Variants in FLI1 observed in about 807,000 individuals in gnomAD.
The protein encoded by FLI1 is Fli-1 proto-oncogene, ETS transcription factor.
In FLI1, 13 loss-of-function variants were observed where a neutral mutation model predicts 53.1. The ratio of observed to expected loss-of-function variants is 0.24; its 90% confidence interval spans 0.16 to 0.39. FLI1 has a LOEUF of 0.39. FLI1 is among the 10% of genes least tolerant of loss of function. The pLI, the probability that FLI1 is intolerant of heterozygous loss-of-function variation, is 1.00. For synonymous variants in FLI1, 244 were observed against 236.7 expected (o/e 1.03, Z -0.28); for missense variants, 424 against 600.5 (o/e 0.71, Z 3.07).
intron 1 of FLI1, among the ~76,000 whole-genome samples, chr11:128,757,058 TTCTTTC>T (rs1940905027): frequency 7.4e-6 from 1 of 134,478 alleles, no homozygotes; most frequent in Non-Finnish European, 1.5e-5. Flanking sequence ...CTTTCTTTCT[TTCTTTC>T]TTTCTTTCTT....
chr11:128,700,324 C>T (rs535750648), intron 1 of FLI1, among the ~76,000 whole-genome samples: 1 of 152,284 alleles, frequency 6.6e-6, no homozygotes, highest in East Asian at 1.9e-4. Context: ...TAACAGGGGA[C>T]AGATCTGGGT....
In FLI1 at chr11:128,810,325, A is replaced by G; in HGVS notation, c.830-134A>G. The G allele has an allele frequency of 1.2e-6, 1 of 853,946 alleles. No homozygotes were observed. The highest frequency in any genetic ancestry group is 1.8e-6 in the Non-Finnish European group (1 of 563,596). 52.9% of individuals were successfully genotyped at this position (853,946 alleles called of 1,614,324 possible). ...AACAATGACATAAGAAGGGCTTGTC[A>G]AGTCGATCCCAATGTCGAAGGAAAC... On this transcript the variant is annotated intron_variant, in intron 8 of 8. Transcript: ENST00000527786. This position sits in a 1 kb window ranked among gnomAD's most constrained non-coding sequence, Gnocchi z 6.6.
At chr11:128,777,222 A>G (rs542897287) in intron 4 of FLI1, among the ~76,000 whole-genome samples, 2 of 151,848 alleles carry the variant, frequency 1.3e-5, no homozygotes, top group South Asian at 4.2e-4. Context: ...CGCTGGGGGG[A>G]GTTTGCGCAA....
intron 1 of FLI1, among the ~76,000 whole-genome samples, chr11:128,701,240 A>C (rs890919018): frequency 1.3e-5 from 2 of 152,190 alleles, no homozygotes; most frequent in African/African-American, 4.8e-5. Context: ...CACCATGAGC[A>C]ATCTTTTCAA....
rs191374135 is a variant in FLI1, at chr11:128,742,024, G to A, written c.19-16091G>A. On this transcript the variant is annotated intron_variant, in intron 1 of 8. Transcript: ENST00000527786. ...TCATCTAAGCTTCAAACATAGCATCGTTCCTACCATATTTAATTCAGACTC... is the reference window on the plus strand; with the variant it reads ...TCATCTAAGCTTCAAACATAGCATCATTCCTACCATATTTAATTCAGACTC... Among the ~76,000 whole-genome samples the A allele has an allele frequency of 1.4e-4, 22 of 152,194 alleles. No homozygotes were observed. The East Asian group carries it at 2.7e-3, about 19-fold the overall frequency.
At chr11:128,739,828 CA>C (rs1940060495) in intron 1 of FLI1, among the ~76,000 whole-genome samples, 1 of 152,152 alleles carries the variant, frequency 6.6e-6, no homozygotes, top group Non-Finnish European at 1.5e-5. Flanking sequence ...TGTGCACCAG[CA>C]AAGGAGTGTG....
chr11:128,807,354 T>A lies in FLI1; in HGVS notation c.781+115T>A, dbSNP rs1241298276. 4.9e-6 allele frequency: 3 copies of A among 617,022 alleles called. No homozygotes were observed. In the African/African-American group the frequency reaches 5.7e-5, roughly 12 times the overall value. The allele number at this position is 617,022 out of a possible 1,614,324, so 38.2% of individuals were successfully genotyped here. A position where few individuals can be genotyped will look rare whatever the true frequency, so the allele number is the denominator to read the frequency against. On this transcript the variant is annotated intron_variant, in intron 7 of 8. Transcript: ENST00000527786. Reference sequence around the variant, plus strand: ...CCACATATGTTTTCTCTTATTTCTCTCAAAGAGGGTCTATCTTTGACCCTA... The same window carrying A: ...CCACATATGTTTTCTCTTATTTCTCACAAAGAGGGTCTATCTTTGACCCTA...
intron 1 of FLI1, among the ~76,000 whole-genome samples, chr11:128,699,097 A>T (rs957059995): frequency 1.3e-5 from 2 of 152,230 alleles, no homozygotes; most frequent in Admixed American, 6.5e-5. Flanking sequence ...GACTATTTAA[A>T]TAAAATCTAT....
At chr11:128,808,459 G>A (rs1040358324) in intron 7 of FLI1, among the ~76,000 whole-genome samples, 1 of 152,074 alleles carries the variant, frequency 6.6e-6, no homozygotes, top group African/African-American at 2.4e-5. Flanking sequence ...AAACACATAC[G>A]TTTTGAGGAA....
At chr11:128,786,131 C>T (rs946064940) in intron 5 of FLI1, among the ~76,000 whole-genome samples, 3 of 152,144 alleles carry the variant, frequency 2.0e-5, no homozygotes, top group Non-Finnish European at 2.9e-5. Context: ...TGTTTTAGAG[C>T]TCTCCGGGTT....
upstream of FLI1, among the ~76,000 whole-genome samples, chr11:128,691,439 GTCT>G (rs1276666399): frequency 2.0e-5 from 3 of 152,168 alleles, no homozygotes; most frequent in Non-Finnish European, 4.4e-5. Flanking sequence ...GTTAGGTGGG[GTCT>G]TCTTTCTGGG....
chr11:128,733,101 A>C (rs1488873669), intron 1 of FLI1, among the ~76,000 whole-genome samples: 1 of 152,216 alleles, frequency 6.6e-6, no homozygotes, highest in Non-Finnish European at 1.5e-5. Flanking sequence ...ATACTAATGG[A>C]GATCCTGAAG....
At chr11:128,686,447 G>A (rs549280344), upstream of FLI1, 25 of 456,204 alleles carry the variant, frequency 5.5e-5, no homozygotes, top group Non-Finnish European at 1.1e-4. Flanking sequence ...GCCCGGGGAC[G>A]GGACTGAGGC....
chr11:128,802,590 TC>T (rs1476012403), intron 5 of FLI1, among the ~76,000 whole-genome samples: 4 of 152,236 alleles, frequency 2.6e-5, no homozygotes, highest in African/African-American at 9.6e-5. Context: ...TTCTGTCACT[TC>T]CTTTTTCACC....
At chr11:128,735,044 G>A (rs988826398) in intron 1 of FLI1, among the ~76,000 whole-genome samples, 8 of 152,190 alleles carry the variant, frequency 5.3e-5, no homozygotes, top group East Asian at 1.9e-4. Context: ...TTATGACCAC[G>A]AACGTAGTCC....
At chr11:128,807,086 G>A (rs542757635) in intron 6 of FLI1, 94 bp from the exon 7 acceptor site, 34 of 623,546 alleles carry the variant, frequency 5.5e-5, no homozygotes, top group South Asian at 4.0e-4. Context: ...GAGAGTGGGC[G>A]AAGGAATGAG....
intron 1 of FLI1, among the ~76,000 whole-genome samples, chr11:128,750,118 G>A (rs963413708): frequency 1.3e-5 from 2 of 152,240 alleles, no homozygotes; most frequent in Non-Finnish European, 1.5e-5. Context: ...CGTGCTCCCT[G>A]TGGTGACCCT....
intron 1 of FLI1, among the ~76,000 whole-genome samples, chr11:128,722,727 TC>T (rs1313938904): frequency 5.9e-5 from 9 of 152,194 alleles, no homozygotes; most frequent in Non-Finnish European, 1.0e-4. Flanking sequence ...TGAGGTAAAG[TC>T]CCTTTGGGAA....
chr11:128,738,528 A>G (rs1255483061), intron 1 of FLI1, among the ~76,000 whole-genome samples: 1 of 152,174 alleles, frequency 6.6e-6, no homozygotes, highest in Non-Finnish European at 1.5e-5. Flanking sequence ...GAGCCTCTGC[A>G]TTGTATAGCG....
Sources: gnomAD v4.1 joint callset for allele counts (sites outside exome capture counted in the v4.1 genomes callset) on GRCh38, gnomAD v4.1.1 for gene constraint, Gnocchi (gnomAD v3.1) non-coding constraint, MANE v1.5 for transcripts, NCBI Gene and HGNC (gene_info 2026-07-23, HGNC 2026-07-21) for gene names.